MTHFD1L: variants seen among roughly 807,000 people sequenced by gnomAD.
MTHFD1L encodes the protein monofunctional C1-tetrahydrofolate synthase, mitochondrial.
A neutral mutation model predicts 119.5 loss-of-function variants in MTHFD1L; 81 were observed. That is an observed-to-expected ratio of 0.68 (90% confidence interval 0.57 to 0.82). The LOEUF (loss-of-function observed/expected upper bound fraction) is 0.82. Among genes scored for constraint, MTHFD1L ranks in the 40% least tolerant of loss-of-function variants. MTHFD1L has a pLI of 0.00. For missense variants in MTHFD1L, 1,125 were observed against 1,253.4 expected (o/e 0.90, Z 1.55); for synonymous variants, 430 against 475.2 (o/e 0.90, Z 1.24).
rs143567613 is a variant in MTHFD1L, at chr6:151,074,181, G to A, written c.2848-18286G>A. Among the ~76,000 whole-genome samples, 719 of 152,174 alleles carry A rather than the reference G, an allele frequency of 4.7e-3. 6 individuals are homozygous for A. Among genetic ancestry groups the A allele is most frequent in the African/African-American group, 0.016 (679 of 41,522 alleles). On this transcript the variant is annotated intron_variant, in intron 26 of 27. Transcript: ENST00000367321. ...CTGAAATAAAGACTATTTTAGACAC[G>A]TAAAAGCTGAAAAAATTCATCACTA...
intron 26 of MTHFD1L, among the ~76,000 whole-genome samples, chr6:151,087,201 A>G (rs1042861208): frequency 7.2e-5 from 11 of 152,076 alleles, no homozygotes; most frequent in Admixed American, 4.6e-4. Context: ...GTGAGCTGAG[A>G]TCACGCTGCT....
Position 151,015,621 on chromosome 6 carries a change from G to C in MTHFD1L, c.2514G>C (p.Ser838=). ...ACTGGTCCGTTGGTGGAAAAGGATC[G>C]GTGGACTTGGCTCGGGCTGTGAGAG... ...CYHWSVGGKG[S]VDLARAVREA... Residue 838 remains serine, a synonymous_variant, in exon 24 of 28, where the codon TCG becomes TCC. Transcript: ENST00000367321. 6.2e-7 allele frequency: 1 copy of C among 1,614,128 alleles called. No homozygotes were observed.
chr6:150,938,881 T>A, intron 13 of MTHFD1L, 136 bp downstream of exon 13: 1 of 925,506 alleles, frequency 1.1e-6, no homozygotes, highest in South Asian at 1.5e-5. Context: ...CCCCAAAATG[T>A]TTGCATAACT....
At chr6:151,005,832 A>T (rs1216526983) in intron 20 of MTHFD1L, among the ~76,000 whole-genome samples, 1 of 152,090 alleles carries the variant, frequency 6.6e-6, no homozygotes, top group African/African-American at 2.4e-5. Context: ...GCCTGTGTAG[A>T]TGTTTTAGAT....
chr6:150,869,514 T>G (rs907435938), intron 1 of MTHFD1L, among the ~76,000 whole-genome samples: 5 of 152,152 alleles, frequency 3.3e-5, no homozygotes, highest in South Asian at 2.1e-4. Flanking sequence ...ACTCATGCTT[T>G]CTTATGGCTG....
intron 9 of MTHFD1L, among the ~76,000 whole-genome samples, chr6:150,921,942 C>A (rs188130297): frequency 5.8e-4 from 88 of 152,228 alleles, no homozygotes; most frequent in Non-Finnish European, 2.2e-4. Flanking sequence ...AGAAACAGAG[C>A]AGCTTCTTTT....
At chr6:150,903,343 T>C (rs1562348885) in intron 7 of MTHFD1L, among the ~76,000 whole-genome samples, 1 of 151,430 alleles carries the variant, frequency 6.6e-6, no homozygotes. Flanking sequence ...GGCTGCAAAG[T>C]TCTTAGTGAG....
chr6:150,951,503 A>C (rs1794877278), intron 16 of MTHFD1L, among the ~76,000 whole-genome samples: 1 of 152,178 alleles, frequency 6.6e-6, no homozygotes, highest in Non-Finnish European at 1.5e-5. Context: ...ACTTTAGTGT[A>C]TAGATTTTAT....
intron 10 of MTHFD1L, among the ~76,000 whole-genome samples, chr6:150,923,813 A>G (rs1789481837): frequency 6.6e-6 from 1 of 151,884 alleles, no homozygotes; most frequent in South Asian, 2.1e-4. Flanking sequence ...AATAGACGAA[A>G]CATCTCAGTT....
chr6:151,058,977 A>T (rs1288555529), intron 26 of MTHFD1L, among the ~76,000 whole-genome samples: 3 of 149,840 alleles, frequency 2.0e-5, no homozygotes, highest in Non-Finnish European at 3.0e-5. Context: ...CACCTGGCCC[A>T]CAGAGCTTCT....
intron 24 of MTHFD1L, among the ~76,000 whole-genome samples, chr6:151,017,825 G>GTTTTT (rs1783342400): frequency 8.4e-6 from 1 of 119,574 alleles, no homozygotes; most frequent in African/African-American, 3.7e-5. Flanking sequence ...TCAAGACCGT[G>GTTTTT]TTTTCTTTTT....
chr6:150,940,654 C>A (rs140877992), intron 13 of MTHFD1L, among the ~76,000 whole-genome samples: 1,547 of 152,200 alleles, frequency 0.01, 26 homozygotes, highest in African/African-American at 0.035. Context: ...AATCTCGGCT[C>A]GCTGCAACCT....
chr6:151,084,982 A>AT (rs1432214663), intron 26 of MTHFD1L, among the ~76,000 whole-genome samples: 39 of 129,568 alleles, frequency 3.0e-4, no homozygotes, highest in South Asian at 7.3e-4. Flanking sequence ...AAAAAAAAAA[A>AT]AAATATATAT....
At chr6:150,923,509 C>CTTTATTTACTTA (rs1789369838) in intron 10 of MTHFD1L, among the ~76,000 whole-genome samples, 1 of 118,044 alleles carries the variant, frequency 8.5e-6, no homozygotes, top group Admixed American at 9.4e-5. Context: ...GTAACTGACA[C>CTTTATTTACTTA]TTTATTTATT....
intron 20 of MTHFD1L, among the ~76,000 whole-genome samples, chr6:150,983,777 CGTTTTGTTTT>C (rs920720558): frequency 1.1e-4 from 16 of 152,074 alleles, no homozygotes; most frequent in Non-Finnish European, 1.8e-4. Context: ...TTCTTCTTTT[CGTTTTGTTTT>C]GTTTTGTTTT....
chr6:150,871,833 CATTTT>C (rs1562287109), intron 1 of MTHFD1L, among the ~76,000 whole-genome samples: 2 of 149,400 alleles, frequency 1.3e-5, no homozygotes, highest in African/African-American at 4.9e-5. Context: ...CCTTTGTTGT[CATTTT>C]ATTTTATTTT....
rs1388689366 is a variant in MTHFD1L at position 150,885,635 on chromosome 6, G to T, written c.544G>T (p.Val182Leu). ...CTACTTCTTTATTTTCTGATTCAGA[G>T]TAACAGACATAAACCTGGGGAAGCT... ...ALKPEKDVDG[V>L]TDINLGKLVR... Residue 182 changes from valine (V) to leucine (L), a missense_variant and splice_region_variant, in exon 6 of 28, where the codon GTA becomes TTA. By Grantham distance (32) the Val-to-Leu change is conservative (BLOSUM62 1). Transcript: ENST00000367321. The T allele has an allele frequency of 1.9e-6, 3 of 1,613,194 alleles. No individual in the cohort carries two copies. The Admixed American group carries it at 5.0e-5, about 27-fold the overall frequency.
intron 13 of MTHFD1L, among the ~76,000 whole-genome samples, chr6:150,943,852 G>A (rs1793537161): frequency 6.6e-6 from 1 of 152,080 alleles, no homozygotes; most frequent in South Asian, 2.1e-4. Flanking sequence ...TTTCTCCAAA[G>A]TTCTGTAATA....
rs62441056 is a variant in MTHFD1L at position 151,090,952 on chromosome 6, C to T, written c.2848-1515C>T. ...CGACTGGGTGCAGCATCGTTCCATG[C>T]GACTGGGTGCAGCATCGCCCCATGC... is the stretch of plus-strand genomic sequence containing the variant. On this transcript the variant is annotated intron_variant, in intron 26 of 27. Coordinates refer to ENST00000367321, the MANE Select transcript of MTHFD1L (RefSeq NM_015440.5). Among the ~76,000 whole-genome samples the T allele has an allele frequency of 9.0e-5, 8 of 89,244 alleles. 1 individual carries two copies. The highest frequency in any genetic ancestry group is 1.5e-4 in the Non-Finnish European group (6 of 39,862). The allele number at this position is 89,244 out of a possible 152,430, so 58.5% of individuals were successfully genotyped here.
Sources: gnomAD v4.1 joint callset for allele counts (sites outside exome capture counted in the v4.1 genomes callset) on GRCh38, gnomAD v4.1.1 for gene constraint, MANE v1.5 for transcripts, NCBI Gene and HGNC (gene_info 2026-07-23, HGNC 2026-07-21) for gene names.